Variants in AGO2 observed in about 807,000 individuals in gnomAD.
AGO2 encodes protein argonaute-2.
AGO2 carries 5 observed loss-of-function variants against 102.3 expected under a neutral mutation model. That is an observed-to-expected ratio of 0.05 (90% CI 0.03 to 0.10). The LOEUF is 0.10. Ranked by LOEUF, AGO2 falls within the 10% of genes least tolerant of loss-of-function variation. AGO2 has a pLI of 1.00. For missense variants in AGO2, 541 were observed against 1,183.7 expected (o/e 0.46, Z 7.97); for synonymous variants, 449 against 473.1 (o/e 0.95, Z 0.66).
chr8:140,546,042 C>T (rs994378476), intron 13 of AGO2, among the ~76,000 whole-genome samples: 1 of 152,202 alleles, frequency 6.6e-6, no homozygotes, highest in Non-Finnish European at 1.5e-5. Flanking sequence ...GGACTTCCGG[C>T]CCGGTGCTGC....
chr8:140,586,952 G>A (rs777383679), intron 1 of AGO2, among the ~76,000 whole-genome samples: 21 of 152,124 alleles, frequency 1.4e-4, no homozygotes, highest in African/African-American at 3.9e-4. Flanking sequence ...TTACTTAACC[G>A]AGCCTCACAA....
intron 13 of AGO2, among the ~76,000 whole-genome samples, chr8:140,546,218 C>A (rs913432177): frequency 6.6e-6 from 1 of 152,236 alleles, no homozygotes; most frequent in Non-Finnish European, 1.5e-5. Flanking sequence ...ACAGCCGTTC[C>A]ACTCGGAATC....
At chr8:140,549,062 C>T in intron 12 of AGO2, 52 bp downstream of exon 12, 2 of 1,544,292 alleles carry the variant, frequency 1.3e-6, no homozygotes, top group Middle Eastern at 2.4e-4. Flanking sequence ...GGAACAAACA[C>T]CCACGGAGAC....
At chr8:140,624,929 C>G (rs1415329716) in intron 1 of AGO2, among the ~76,000 whole-genome samples, 4 of 152,190 alleles carry the variant, frequency 2.6e-5, no homozygotes, top group Non-Finnish European at 4.4e-5. Flanking sequence ...GCACACACCC[C>G]CATCCCGCTC....
chr8:140,603,397 G>A (rs902372241), intron 1 of AGO2, among the ~76,000 whole-genome samples: 2 of 152,188 alleles, frequency 1.3e-5, no homozygotes, highest in Non-Finnish European at 2.9e-5. Flanking sequence ...ATTTACCACC[G>A]TAGCCATTTT....
intron 2 of AGO2, among the ~76,000 whole-genome samples, chr8:140,573,833 A>C (rs917375124): frequency 3.3e-5 from 5 of 152,146 alleles, no homozygotes; most frequent in Non-Finnish European, 5.9e-5. Flanking sequence ...TGTGGCCACT[A>C]GGATTTGCTC....
At chr8:140,532,181 G>T in intron 18 of AGO2, 29 bp from the exon 19 acceptor site, 2 of 1,596,016 alleles carry the variant, frequency 1.3e-6, no homozygotes, top group Non-Finnish European at 8.6e-7. Flanking sequence ...GAGAGAATGA[G>T]AATGTGCAGC....
chr8:140,607,493 TATATATATATATATATATATATAC>T (rs1395723953), intron 1 of AGO2, among the ~76,000 whole-genome samples: 204 of 11,316 alleles, frequency 0.018, 9 homozygotes, highest in Middle Eastern at 0.056. Flanking sequence ...TATATATATA[TATATATATATATATATATATATAC>T]ACACACACAC....
chr8:140,605,181 G>A (rs747606762), intron 1 of AGO2, among the ~76,000 whole-genome samples: 3 of 152,088 alleles, frequency 2.0e-5, no homozygotes, highest in Admixed American at 6.5e-5. Context: ...TGCAACTTCC[G>A]CCTCCCGGGC....
At chr8:140,607,311 A>G (rs1323104078) in intron 1 of AGO2, among the ~76,000 whole-genome samples, 2 of 151,746 alleles carry the variant, frequency 1.3e-5, no homozygotes, top group Non-Finnish European at 2.9e-5. Context: ...ATGAAGTCCC[A>G]GCTACTCAGG....
rs1328818395 is a variant in AGO2, at chr8:140,557,849, A to C, written c.879-613T>G. Among the ~76,000 whole-genome samples, 3 of 152,364 alleles carry C rather than the reference A, an allele frequency of 2.0e-5. No individual in the cohort carries two copies. The East Asian group carries it at 5.8e-4, about 29-fold the overall frequency. ...CAATCCAGACTGCCGGGCCATCTGC[A>C]GCCTCTGCCAGGCCACAGGCCCTCT... On this transcript the variant is annotated intron_variant, in intron 7 of 18. Coordinates refer to ENST00000220592, the MANE Select transcript of AGO2 (RefSeq NM_012154.5). The surrounding 1 kb of genome is among the most constrained non-coding windows in gnomAD (Gnocchi z 5.9).
chr8:140,581,048 GC>G (rs1389342120), intron 2 of AGO2, among the ~76,000 whole-genome samples: 1 of 152,270 alleles, frequency 6.6e-6, no homozygotes, highest in Non-Finnish European at 1.5e-5. Flanking sequence ...GTAAAAGAAA[GC>G]TGCTTGTGTA....
chr8:140,617,811 G>A (rs189273685), intron 1 of AGO2, among the ~76,000 whole-genome samples: 105 of 151,708 alleles, frequency 6.9e-4, no homozygotes, highest in African/African-American at 2.0e-3. Context: ...GAGCCCAGGC[G>A]TTTGAGAGCA....
chr8:140,552,760 A>G (rs905193216), intron 10 of AGO2, among the ~76,000 whole-genome samples: 10 of 100,738 alleles, frequency 9.9e-5, no homozygotes, highest in African/African-American at 3.2e-4. Context: ...ACACACACAC[A>G]CACACACACA....
intron 1 of AGO2, among the ~76,000 whole-genome samples, chr8:140,620,700 C>T (rs989010266): frequency 3.3e-5 from 5 of 151,870 alleles, no homozygotes; most frequent in Non-Finnish European, 5.9e-5. Flanking sequence ...GACCCTGTCT[C>T]TACAAAAAAT....
chr8:140,601,785 T>G (rs574935204), intron 1 of AGO2, among the ~76,000 whole-genome samples: 18 of 152,334 alleles, frequency 1.2e-4, no homozygotes, highest in African/African-American at 4.3e-4. Flanking sequence ...TACTTTAAAA[T>G]TTTAGAATAT....
chr8:140,598,421 T>G (rs2073880863), intron 1 of AGO2, among the ~76,000 whole-genome samples: 1 of 152,262 alleles, frequency 6.6e-6, no homozygotes, highest in South Asian at 2.1e-4. Context: ...TTCGCAGCCA[T>G]CTTTCCTACG....
upstream of AGO2, among the ~76,000 whole-genome samples, chr8:140,640,607 C>T (rs1253337624): frequency 6.6e-6 from 1 of 152,044 alleles, no homozygotes. Flanking sequence ...GCAACCTCCA[C>T]CTCCCGGGTT....
At chr8:140,638,097 T>A (rs1588526595), upstream of AGO2, 1 of 152,284 alleles carries the variant, frequency 6.6e-6, no homozygotes, top group Non-Finnish European at 1.5e-5. Context: ...CAGCCTGGCC[T>A]GCAGCTCTGC....
Sources: allele counts gnomAD v4.1 joint callset (sites outside exome capture counted in the v4.1 genomes callset), GRCh38; gene constraint gnomAD v4.1.1; non-coding constraint Gnocchi (gnomAD v3.1); transcripts MANE v1.5; gene names NCBI Gene and HGNC (gene_info 2026-07-23, HGNC 2026-07-21).